Variants in DCDC1 observed in about 807,000 individuals in gnomAD.
The protein encoded by DCDC1 is doublecortin domain containing 1.
In DCDC1, 200 loss-of-function variants were observed where a neutral mutation model predicts 178.3. That is an observed-to-expected ratio of 1.12 (90% CI 1.00 to 1.26). The LOEUF (loss-of-function observed/expected upper bound fraction) is 1.26, where lower values mean the gene tolerates loss of function less well. Among genes scored for constraint, DCDC1 ranks in the 50% most tolerant of loss-of-function variants. DCDC1 has a pLI of 0.00. For missense variants in DCDC1, 1,983 were observed against 1,749.2 expected (o/e 1.13, Z -2.38); for synonymous variants, 690 against 604.8 (o/e 1.14, Z -2.07).
At chr11:30,975,676 G>C (rs1950063143) in intron 20 of DCDC1, among the ~76,000 whole-genome samples, 2 of 151,698 alleles carry the variant, frequency 1.3e-5, no homozygotes, top group African/African-American at 4.8e-5. Context: ...ACTTCTACAA[G>C]GAAAACAACA....
At chr11:31,248,095 T>G (rs1427166954) in intron 8 of DCDC1, among the ~76,000 whole-genome samples, 1 of 151,990 alleles carries the variant, frequency 6.6e-6, no homozygotes, top group Non-Finnish European at 1.5e-5. Context: ...TATCTTAGAG[T>G]TAGTTTTAGG....
In DCDC1 at chr11:31,244,954, T is replaced by C. The variant is rs16921983; in HGVS notation, c.1055-3338A>G. On this transcript the variant is annotated intron_variant, in intron 8 of 38. Coordinates refer to ENST00000684477, the MANE Select transcript of DCDC1 (RefSeq NM_001387274.1). ...CACTGGACAGAGCTGGTAGTGAGCATCATAGGTAAACAGATTATATAACCA... is the reference window on the plus strand; with the variant it reads ...CACTGGACAGAGCTGGTAGTGAGCACCATAGGTAAACAGATTATATAACCA... 1.2e-3 allele frequency among the ~76,000 whole-genome samples: 178 copies of C among 151,844 alleles called. 4 individuals carry two copies. Among genetic ancestry groups the C allele is most frequent in the Admixed American group, 7.2e-3 (109 of 15,190 alleles).
chr11:30,962,503 T>G (rs1364102735), intron 20 of DCDC1, among the ~76,000 whole-genome samples: 3 of 152,074 alleles, frequency 2.0e-5, no homozygotes, highest in Non-Finnish European at 2.9e-5. Context: ...AATATTTATT[T>G]CATCATAATT....
Position 31,349,089 on chromosome 11 carries a change from G to A in DCDC1, c.-124-13525C>T, listed in dbSNP as rs187513843. 1.6e-3 allele frequency among the ~76,000 whole-genome samples: 247 copies of A among 152,016 alleles called. 1 individual carries two copies. The highest frequency in any genetic ancestry group is 2.6e-3 in the Non-Finnish European group (178 of 67,976). ...CAGACTCAAATAAGTTATGTTTCCT[G>A]TTGGAATTTCAGTGACAAATGTTTT... On this transcript the variant is annotated intron_variant, in intron 1 of 38. Transcript: ENST00000684477.
chr11:30,934,435 G>A (rs1356272500), intron 21 of DCDC1, among the ~76,000 whole-genome samples: 1 of 152,144 alleles, frequency 6.6e-6, no homozygotes, highest in Non-Finnish European at 1.5e-5. Flanking sequence ...CCAGCTTGGG[G>A]TATATGGAGA....
At chr11:31,350,188 A>G (rs1273580520) in intron 1 of DCDC1, among the ~76,000 whole-genome samples, 1 of 152,222 alleles carries the variant, frequency 6.6e-6, no homozygotes, top group Non-Finnish European at 1.5e-5. Context: ...AGTACCCATT[A>G]GTGGAGCAAA....
At chr11:31,055,187 A>T (rs943444870) in intron 20 of DCDC1, among the ~76,000 whole-genome samples, 1 of 152,160 alleles carries the variant, frequency 6.6e-6, no homozygotes, top group African/African-American at 2.4e-5. Context: ...GGACCTAAAC[A>T]ACTCTCAAAA....
At chr11:31,081,616 A>AAAAAG (rs557989935) in intron 17 of DCDC1, among the ~76,000 whole-genome samples, 3 of 152,156 alleles carry the variant, frequency 2.0e-5, no homozygotes, top group African/African-American at 4.8e-5. Flanking sequence ...ATCTCAAAAA[A>AAAAAG]AAAAGAAAAG....
In DCDC1 at chr11:31,326,810, T is replaced by A. The variant is rs528895736; in HGVS notation, c.164+1307A>T. On this transcript the variant is annotated intron_variant, in intron 3 of 38. Transcript: ENST00000684477. ...TAACATTTCCATAAGAAGATTAACA[T>A]AATCTTTAATTTATGAATAATATAT... Among the ~76,000 whole-genome samples the A allele has an allele frequency of 6.6e-5, 10 of 152,312 alleles. No homozygotes were observed. The East Asian group carries it at 1.9e-3, about 29-fold the overall frequency.
chr11:31,111,780 T>G (rs915194625), intron 11 of DCDC1, among the ~76,000 whole-genome samples: 1 of 152,176 alleles, frequency 6.6e-6, no homozygotes, highest in African/African-American at 2.4e-5. Context: ...ACAAGGTTAG[T>G]GTTGACAAAA....
intron 9 of DCDC1, among the ~76,000 whole-genome samples, chr11:31,143,646 T>C (rs1029593096): frequency 6.6e-6 from 1 of 152,230 alleles, no homozygotes; most frequent in African/African-American, 2.4e-5. Context: ...AAGCTATACA[T>C]GCTTAACTCA....
intron 8 of DCDC1, chr11:31,262,997 G>T: frequency 1.9e-6 from 3 of 1,589,178 alleles, no homozygotes; most frequent in South Asian, 2.3e-5. Flanking sequence ...CACACTTCTG[G>T]GATACGTGAA....
intron 20 of DCDC1, among the ~76,000 whole-genome samples, chr11:30,976,870 G>A (rs750604648): frequency 6.6e-6 from 1 of 152,030 alleles, no homozygotes; most frequent in Admixed American, 6.6e-5. Context: ...ATATCAAAAG[G>A]ATACCTACAC....
chr11:31,139,285 C>T (rs1375418498), intron 9 of DCDC1, among the ~76,000 whole-genome samples: 2 of 151,922 alleles, frequency 1.3e-5, no homozygotes, highest in East Asian at 1.9e-4. Flanking sequence ...CAATCCCTGC[C>T]CTAGACTGAG....
intron 20 of DCDC1, among the ~76,000 whole-genome samples, chr11:31,038,873 A>C (rs1415720754): frequency 6.6e-6 from 1 of 152,028 alleles, no homozygotes; most frequent in Non-Finnish European, 1.5e-5. Context: ...GAAAAAAAAA[A>C]GGGAGGGAGA....
chr11:31,043,332 T>A (rs1002597770), intron 20 of DCDC1, among the ~76,000 whole-genome samples: 2 of 152,186 alleles, frequency 1.3e-5, no homozygotes, highest in African/African-American at 2.4e-5. Context: ...TTCGTATGTA[T>A]CTGAAATCTG....
intron 20 of DCDC1, among the ~76,000 whole-genome samples, chr11:31,034,720 G>A (rs888409021): frequency 6.6e-6 from 1 of 152,204 alleles, no homozygotes; most frequent in East Asian, 1.9e-4. Context: ...TTTGCACAAT[G>A]TCAGAATTGC....
At chr11:31,175,423 A>G (rs147466562) in intron 9 of DCDC1, among the ~76,000 whole-genome samples, 111 of 152,342 alleles carry the variant, frequency 7.3e-4, no homozygotes, top group African/African-American at 2.4e-3. Context: ...GGGGACCTGT[A>G]TAACAGGGCA....
intron 20 of DCDC1, among the ~76,000 whole-genome samples, chr11:31,004,362 C>T (rs1951726415): frequency 6.6e-6 from 1 of 151,860 alleles, no homozygotes; most frequent in African/African-American, 2.4e-5. Flanking sequence ...GCTTGCTGTC[C>T]CTCACAATTC....
Sources: gnomAD v4.1 joint callset for allele counts (sites outside exome capture counted in the v4.1 genomes callset) on GRCh38, gnomAD v4.1.1 for gene constraint, MANE v1.5 for transcripts, NCBI Gene and HGNC (gene_info 2026-07-23, HGNC 2026-07-21) for gene names.